The following PTK7 variants were observed in gnomAD, a reference collection of about 807,000 sequenced individuals.
PTK7 encodes inactive tyrosine-protein kinase 7.
PTK7 carries 39 observed loss-of-function variants against 116.6 expected under a neutral mutation model. That is an observed-to-expected ratio of 0.33 (90% CI 0.26 to 0.44). PTK7 has a LOEUF of 0.44. Ranked by LOEUF, PTK7 falls within the 20% of genes least tolerant of loss-of-function variation. The probability of loss-of-function intolerance (pLI) is 1.00; values close to 1 mark genes in which losing one functional copy is unlikely to be tolerated. For synonymous variants in PTK7, 546 were observed against 563.6 expected (o/e 0.97, Z 0.44); for missense variants, 1,169 against 1,425.6 (o/e 0.82, Z 2.90).
At chr6:43,093,737 A>G (rs1255951496) in intron 1 of PTK7, among the ~76,000 whole-genome samples, 1 of 152,194 alleles carries the variant, frequency 6.6e-6, no homozygotes, top group Non-Finnish European at 1.5e-5. Flanking sequence ...TGAACAAAGA[A>G]TTGGACAAAA....
At chr6:43,149,061 A>C (rs1325864368) in intron 17 of PTK7, among the ~76,000 whole-genome samples, 1 of 38,940 alleles carries the variant, frequency 2.6e-5, no homozygotes, top group African/African-American at 3.0e-4. Flanking sequence ...CTTTGTCTCA[A>C]AAAAAAAAAA....
chr6:43,138,520 G>A, intron 7 of PTK7: 1 of 197,712 alleles, frequency 5.1e-6, no homozygotes, highest in Non-Finnish European at 1.0e-5. Context: ...AATTAGCCAA[G>A]TATTGTGGTG....
chr6:43,076,482 C>A lies in PTK7; in HGVS notation c.-7C>A, dbSNP rs1306743207. The A allele has an allele frequency of 5.1e-6, 8 of 1,563,460 alleles. No homozygotes were observed. The Admixed American group carries it at 1.5e-4, about 29-fold the overall frequency. On this transcript the variant is annotated 5_prime_UTR_variant, in exon 1 of 20. Transcript: ENST00000230419. The surrounding 1 kb of genome is among the most constrained non-coding windows in gnomAD (Gnocchi z 5.7). Reference sequence around the variant, plus strand: ...CGCCCTCAGCTCCTTTTCCTGAGCCCGCCGCGATGGGAGCTGCGCGGGGAT... The same window carrying A: ...CGCCCTCAGCTCCTTTTCCTGAGCCAGCCGCGATGGGAGCTGCGCGGGGAT...
chr6:43,084,297 G>GT (rs1284999442), intron 1 of PTK7, among the ~76,000 whole-genome samples: 2 of 152,074 alleles, frequency 1.3e-5, no homozygotes, highest in South Asian at 2.1e-4. Flanking sequence ...TACCTGGCTA[G>GT]TTTTTTAAAT....
intron 1 of PTK7, among the ~76,000 whole-genome samples, chr6:43,104,271 T>A (rs927154269): frequency 1.3e-5 from 2 of 152,208 alleles, no homozygotes; most frequent in Non-Finnish European, 2.9e-5. Context: ...ATATCTCATA[T>A]TCTCTGTTCC....
intron 17 of PTK7, 67 bp downstream of exon 17, chr6:43,146,765 C>G: frequency 7.1e-7 from 1 of 1,411,590 alleles, no homozygotes; most frequent in African/African-American, 1.4e-5. Flanking sequence ...AACAGAGGCA[C>G]CATTTATTGA....
rs59689086 is a variant in PTK7, at chr6:43,152,734, T to TTTATGTTATGTTATGTTATG, written c.2722-6041_2722-6022dup. On this transcript the variant is annotated intron_variant, in intron 17 of 19. Transcript: ENST00000230419. ...AACAGAAGAACTGAATTTTATTTTA[T>TTTATGTTATGTTATGTTATG]TTATGTTATGTTATGTTATGTTATG... 3.0e-3 allele frequency among the ~76,000 whole-genome samples: 427 copies of TTTATGTTATGTTATGTTATG among 144,164 alleles called. 4 individuals are homozygous for TTTATGTTATGTTATGTTATG. Among genetic ancestry groups the TTTATGTTATGTTATGTTATG allele is most frequent in the Non-Finnish European group, 3.0e-3 (199 of 66,030 alleles). The allele number at this position is 144,164 out of a possible 152,430, so 94.6% of individuals were successfully genotyped here.
At chr6:43,115,556 C>T (rs1340931006) in intron 1 of PTK7, among the ~76,000 whole-genome samples, 5 of 152,014 alleles carry the variant, frequency 3.3e-5, no homozygotes, top group Admixed American at 6.6e-5. Flanking sequence ...CCCTTGTCTC[C>T]GGTGCATTGT....
chr6:43,160,128 T>C, intron 19 of PTK7, 162 bp downstream of exon 19: 1 of 782,090 alleles, frequency 1.3e-6, no homozygotes, highest in East Asian at 2.7e-5. Context: ...ACTTTGTTTT[T>C]CTTTTGAGAC....
At chr6:43,106,759 T>A (rs1310178135) in intron 1 of PTK7, among the ~76,000 whole-genome samples, 1 of 150,046 alleles carries the variant, frequency 6.7e-6, no homozygotes. Context: ...GTAACTGGGA[T>A]TACAGGCGTG....
intron 1 of PTK7, among the ~76,000 whole-genome samples, chr6:43,086,002 A>G (rs561686247): frequency 2.6e-5 from 4 of 151,726 alleles, no homozygotes; most frequent in Non-Finnish European, 5.9e-5. Flanking sequence ...GGGTCTCAGT[A>G]TTCCAACAGC....
intron 6 of PTK7, 117 bp from the exon 7 acceptor site, chr6:43,132,304 C>CAG (rs1232309585): frequency 6.7e-7 from 1 of 1,491,498 alleles, no homozygotes; most frequent in Non-Finnish European, 9.0e-7. Flanking sequence ...AGAGGATATG[C>CAG]AGAGGGCTGC....
chr6:43,123,927 G>A (rs1026790176), intron 1 of PTK7, among the ~76,000 whole-genome samples: 1 of 152,168 alleles, frequency 6.6e-6, no homozygotes, highest in Non-Finnish European at 1.5e-5. Flanking sequence ...CCCATTTCAC[G>A]GCAAAGAAGG....
At chr6:43,107,644 A>G (rs1299622260) in intron 1 of PTK7, among the ~76,000 whole-genome samples, 1 of 152,216 alleles carries the variant, frequency 6.6e-6, no homozygotes, top group African/African-American at 2.4e-5. Context: ...CCAGTGTCTT[A>G]TGAAGTACTT....
Position 43,141,931 on chromosome 6 carries a change from T to C in PTK7, c.1769T>C (p.Val590Ala). ...GCCTCGCTGGTCTCTTTTCTTCCAG[T>C]TTTTATCACCTTCAAAGTGGAACCA... ...IRAHVQLTVA[V>A]FITFKVEPER... is the part of the protein sequence containing the mutation. Residue 590 changes from valine (V) to alanine (A), a missense_variant and splice_region_variant, in exon 12 of 20, where the codon GTT becomes GCT. This residue lies in a region of PTK7 where 678 missense variants were observed against 853.8 expected (regional missense o/e 0.79). Coordinates refer to ENST00000230419, the MANE Select transcript of PTK7 (RefSeq NM_002821.5). The surrounding 1 kb of genome is among the most constrained non-coding windows in gnomAD (Gnocchi z 4.9). 18 of 1,601,608 alleles carry C rather than the reference T, an allele frequency of 1.1e-5. No homozygotes were observed. The highest frequency in any genetic ancestry group is 1.5e-5 in the Non-Finnish European group (18 of 1,172,046).
intron 7 of PTK7, 132 bp from the exon 8 acceptor site, chr6:43,138,717 A>T: frequency 7.7e-7 from 1 of 1,303,176 alleles, no homozygotes; most frequent in Non-Finnish European, 1.0e-6. Context: ...GTAAAGGGAA[A>T]CTCCTGCCAT....
chr6:43,125,383 C>T (rs1769229338), intron 1 of PTK7, among the ~76,000 whole-genome samples: 2 of 152,086 alleles, frequency 1.3e-5, no homozygotes, highest in African/African-American at 4.8e-5. Flanking sequence ...CCAGTCCCAG[C>T]CCCAGGAGTG....
intron 1 of PTK7, among the ~76,000 whole-genome samples, chr6:43,081,671 C>T (rs1019005302): frequency 6.6e-6 from 1 of 152,204 alleles, no homozygotes; most frequent in East Asian, 1.9e-4. Context: ...TCCCAAAGTG[C>T]TGGGATTACA....
rs1036068540 is a variant in PTK7, at chr6:43,130,223, C to T, written c.471-7C>T. ...CCCCACCACTGCTGACTGTGTCTGCCCTGCAGGCCCACCTACCAATGGTTC... is the reference window on the plus strand; with the variant it reads ...CCCCACCACTGCTGACTGTGTCTGCTCTGCAGGCCCACCTACCAATGGTTC... On this transcript the variant is annotated splice_polypyrimidine_tract_variant and splice_region_variant and intron_variant, in intron 3 of 19. Coordinates refer to ENST00000230419, the MANE Select transcript of PTK7 (RefSeq NM_002821.5). The T allele has an allele frequency of 2.6e-6, 4 of 1,563,950 alleles. No individual in the cohort carries two copies. Among genetic ancestry groups the T allele is most frequent in the Non-Finnish European group, 3.5e-6 (4 of 1,150,486 alleles).
Sources: gnomAD v4.1 joint callset for allele counts (sites outside exome capture counted in the v4.1 genomes callset) on GRCh38, gnomAD v4.1.1 for gene constraint, gnomAD v4.1.1 regional missense constraint, Gnocchi (gnomAD v3.1) non-coding constraint, MANE v1.5 for transcripts, NCBI Gene and HGNC (gene_info 2026-07-23, HGNC 2026-07-21) for gene names.